Variants in SEPTIN10 observed in about 807,000 individuals in gnomAD.
SEPTIN10 encodes the protein septin-10.
A neutral mutation model predicts 54.8 loss-of-function variants in SEPTIN10; 66 were observed. That is an observed-to-expected ratio of 1.21 (90% CI 0.99 to 1.48). The LOEUF (loss-of-function observed/expected upper bound fraction) is 1.48, where lower values mean the gene tolerates loss of function less well. SEPTIN10 is among the 40% of genes most tolerant of loss of function. The pLI is 0.00. For synonymous variants in SEPTIN10, 161 were observed against 181.0 expected (o/e 0.89, Z 0.89); for missense variants, 620 against 545.6 (o/e 1.14, Z -1.36).
intron 2 of SEPTIN10, among the ~76,000 whole-genome samples, chr2:109,592,301 C>T (rs1222237844): frequency 2.6e-5 from 4 of 151,358 alleles, no homozygotes; most frequent in African/African-American, 9.7e-5. Context: ...CCCGTCTCTA[C>T]TAAAAATACA....
At position 109,613,232 on chromosome 2, in the gene SEPTIN10, G is replaced by A. The variant is rs1429238387; in HGVS notation, c.30+566C>T. Reference sequence around the variant, plus strand: ...CGAGATAAATCTACAAAAGTAACTGGAAAGGTTCAAAACAGTGAACAAACG... The same window carrying A: ...CGAGATAAATCTACAAAAGTAACTGAAAAGGTTCAAAACAGTGAACAAACG... On this transcript the variant is annotated intron_variant, in intron 1 of 10. Coordinates refer to ENST00000397712, the MANE Select transcript of SEPTIN10 (RefSeq NM_144710.5). 8 of 1,267,600 alleles carry A rather than the reference G, an allele frequency of 6.3e-6. No individual in the cohort carries two copies. The Admixed American group carries it at 9.2e-5, about 15-fold the overall frequency. The allele number at this position is 1,267,600 out of a possible 1,614,324, so 78.5% of individuals were successfully genotyped here.
intron 3 of SEPTIN10, 112 bp downstream of exon 3, chr2:109,585,609 T>C (rs1692311907): frequency 9.5e-6 from 8 of 840,316 alleles, no homozygotes; most frequent in East Asian, 2.5e-5. Context: ...AGAGAATCCC[T>C]GGGATCATGA....
intron 4 of SEPTIN10, among the ~76,000 whole-genome samples, chr2:109,579,323 T>C (rs1278193334): frequency 6.6e-6 from 1 of 152,118 alleles, no homozygotes; most frequent in Non-Finnish European, 1.5e-5. Context: ...TTTTTTTTAT[T>C]GGTTAAGTTC....
chr2:109,605,985 G>A (rs991277806), intron 1 of SEPTIN10, among the ~76,000 whole-genome samples: 3 of 152,206 alleles, frequency 2.0e-5, no homozygotes, highest in African/African-American at 7.2e-5. Context: ...CCAAAGCCTG[G>A]AATGAGGTCT....
intron 1 of SEPTIN10, chr2:109,613,585 A>G: frequency 3.6e-6 from 1 of 274,440 alleles, no homozygotes; most frequent in Non-Finnish European, 6.7e-6. Flanking sequence ...CGCCCCGCGA[A>G]CCGGGGTCCG....
intron 1 of SEPTIN10, among the ~76,000 whole-genome samples, chr2:109,601,211 T>C (rs1275232129): frequency 6.6e-6 from 1 of 152,310 alleles, no homozygotes; most frequent in East Asian, 1.9e-4. Flanking sequence ...CCCTCTAATC[T>C]TGCCTTGTTC....
At chr2:109,600,097 C>T (rs1273557581) in intron 1 of SEPTIN10, among the ~76,000 whole-genome samples, 2 of 152,176 alleles carry the variant, frequency 1.3e-5, no homozygotes, top group Non-Finnish European at 2.9e-5. Context: ...CCCTAGGCAG[C>T]TGGTAGTTGA....
chr2:109,568,664 T>G (rs1687637244), intron 5 of SEPTIN10, among the ~76,000 whole-genome samples: 1 of 32,066 alleles, frequency 3.1e-5, no homozygotes, highest in African/African-American at 1.0e-4. Context: ...AAAGGTAAAC[T>G]GAATTGCCTC....
intron 4 of SEPTIN10, among the ~76,000 whole-genome samples, chr2:109,575,984 C>T (rs982033306): frequency 2.6e-5 from 4 of 152,284 alleles, no homozygotes; most frequent in African/African-American, 9.6e-5. Flanking sequence ...AGGCCAGGCT[C>T]AGTGGCTCAC....
At chr2:109,589,608 C>A (rs1693464574) in intron 2 of SEPTIN10, among the ~76,000 whole-genome samples, 1 of 151,976 alleles carries the variant, frequency 6.6e-6, no homozygotes, top group African/African-American at 2.4e-5. Flanking sequence ...AAAGGCTGAA[C>A]ATGTCAAGTG....
chr2:109,607,849 T>C (rs1313121616), intron 1 of SEPTIN10, among the ~76,000 whole-genome samples: 1 of 152,162 alleles, frequency 6.6e-6, no homozygotes, highest in African/African-American at 2.4e-5. Context: ...ATTAGGAAAG[T>C]CACCCACTGA....
At chr2:109,565,558 C>T (rs929258738) in intron 7 of SEPTIN10, among the ~76,000 whole-genome samples, 7 of 152,048 alleles carry the variant, frequency 4.6e-5, no homozygotes, top group Admixed American at 4.6e-4. Flanking sequence ...AACAGGGTAC[C>T]GTGGGGGCGG....
chr2:109,576,689 T>TG (rs1283192880), intron 4 of SEPTIN10, among the ~76,000 whole-genome samples: 1 of 152,184 alleles, frequency 6.6e-6, no homozygotes, highest in African/African-American at 2.4e-5. Context: ...TAACCATAAA[T>TG]GTACCTCTAT....
chr2:109,575,334 CTT>C (rs1338587591), intron 4 of SEPTIN10, among the ~76,000 whole-genome samples: 1 of 152,210 alleles, frequency 6.6e-6, no homozygotes. Flanking sequence ...GTCCATGACT[CTT>C]TGCCTCTTAG....
intron 8 of SEPTIN10, among the ~76,000 whole-genome samples, chr2:109,556,955 G>C (rs1005791520): frequency 6.6e-6 from 1 of 152,088 alleles, no homozygotes; most frequent in African/African-American, 2.4e-5. Context: ...CTCACTCATA[G>C]ATGGGAATTC....
At chr2:109,581,269 G>A (rs532521124) in intron 4 of SEPTIN10, among the ~76,000 whole-genome samples, 5 of 151,934 alleles carry the variant, frequency 3.3e-5, no homozygotes, top group African/African-American at 4.8e-5. Flanking sequence ...GTGAAACCCC[G>A]TCTCTACTTT....
At chr2:109,602,178 T>TTGTTGA (rs1696740038) in intron 1 of SEPTIN10, among the ~76,000 whole-genome samples, 1 of 152,198 alleles carries the variant, frequency 6.6e-6, no homozygotes, top group Non-Finnish European at 1.5e-5. Context: ...AACAATTTTC[T>TTGTTGA]AAGATCCCTT....
intron 8 of SEPTIN10, among the ~76,000 whole-genome samples, chr2:109,554,610 A>G: frequency 6.6e-6 from 1 of 152,202 alleles, no homozygotes; most frequent in East Asian, 1.9e-4. Flanking sequence ...AAACCTGTAG[A>G]TACAGGGAGA....
chr2:109,552,961 GA>G, intron 9 of SEPTIN10, 125 bp downstream of exon 9: 1 of 1,075,896 alleles, frequency 9.3e-7, no homozygotes, highest in Non-Finnish European at 1.3e-6. Context: ...CTATGTGTTG[GA>G]AAAGCTACTC....
Sources: allele counts gnomAD v4.1 joint callset (sites outside exome capture counted in the v4.1 genomes callset), GRCh38; gene constraint gnomAD v4.1.1; transcripts MANE v1.5; gene names NCBI Gene and HGNC (gene_info 2026-07-23, HGNC 2026-07-21).